DNMT3A: variants seen among roughly 807,000 people sequenced by gnomAD.
DNMT3A encodes DNA (cytosine-5)-methyltransferase 3A.
A neutral mutation model predicts 117.6 loss-of-function variants in DNMT3A; 267 were observed. That is an observed-to-expected ratio of 2.27 (90% confidence interval 2.05 to 2.51). The LOEUF (loss-of-function observed/expected upper bound fraction) is 2.51. DNMT3A is among the 30% of genes most tolerant of loss of function. The probability of loss-of-function intolerance (pLI) is 0.00; values close to 1 mark genes in which losing one functional copy is unlikely to be tolerated. For synonymous variants in DNMT3A, 432 were observed against 474.8 expected, an observed-to-expected ratio of 0.91 and a Z score of 1.17; for missense variants, 1,029 against 1,260.2, an observed-to-expected ratio of 0.82 and a Z score of 2.78.
Position 25,247,642 on chromosome 2 carries a change from T to C in DNMT3A, c.963A>G (p.Ala321=). 1.2e-6 allele frequency: 2 copies of C among 1,614,106 alleles called. No individual in the cohort carries two copies. The highest frequency in any genetic ancestry group is 2.2e-5 in the South Asian group (2 of 91,070). Residue 321 remains alanine, a synonymous_variant, in exon 8 of 23, where the codon GCA becomes GCG. Transcript: ENST00000321117. The surrounding 1 kb of genome is among the most constrained non-coding windows in gnomAD (Gnocchi z 5.6). ...ACATGACCCAGCGGGTGCCTTCAGC[T>C]GCTCGGCTCCGGCCCGTCATCCACC... is the stretch of plus-strand genomic sequence containing the variant. ...VSWWMTGRSR[A]AEGTRWVMWF...
intron 6 of DNMT3A, among the ~76,000 whole-genome samples, chr2:25,272,803 C>CTTTTTTTT (rs1217338234): frequency 7.7e-6 from 1 of 130,698 alleles, no homozygotes; most frequent in Non-Finnish European, 1.7e-5. Flanking sequence ...TGCACTTTCT[C>CTTTTTTTT]TTTTTTTTTT....
intron 15 of DNMT3A, 85 bp downstream of exon 15, chr2:25,244,070 C>G: frequency 6.3e-7 from 1 of 1,593,832 alleles, no homozygotes; most frequent in Non-Finnish European, 8.6e-7. Flanking sequence ...GGCTCCTAGA[C>G]CCACACACCC....
Position 25,240,286 on chromosome 2 carries a change from A to G in DNMT3A, c.2322+16T>C. The G allele has an allele frequency of 6.2e-7, 1 of 1,613,988 alleles. No homozygotes were observed. Among genetic ancestry groups the G allele is most frequent in the Non-Finnish European group, 8.5e-7 (1 of 1,179,950 alleles). ...AGCCATTAGTGAGCTGGCCAAACCA[A>G]GGTTGCTGGCTATACCTCGAGAAAT... On this transcript the variant is annotated intron_variant, in intron 19 of 22. Coordinates refer to ENST00000321117, the MANE Select transcript of DNMT3A (RefSeq NM_022552.5).
At chr2:25,335,183 C>T (rs1340612737) in intron 1 of DNMT3A, among the ~76,000 whole-genome samples, 1 of 152,142 alleles carries the variant, frequency 6.6e-6, no homozygotes. Context: ...TCTAACACAT[C>T]AGAACAGACT....
In DNMT3A at chr2:25,228,988, AAGTG is replaced by A. The variant is rs900767963; in HGVS notation, c.*5287_*5290del. 1.3e-5 allele frequency: 2 copies of A among 152,000 alleles called. No homozygotes were observed. The highest frequency in any genetic ancestry group is 6.6e-5 in the Admixed American group (1 of 15,260). 9.4% of individuals were successfully genotyped at this position (152,000 alleles called of 1,614,324 possible). A position where few individuals can be genotyped will look rare whatever the true frequency, so the allele number is the denominator to read the frequency against. On this transcript the variant is annotated 3_prime_UTR_variant, in exon 23 of 23. Coordinates refer to ENST00000321117, the MANE Select transcript of DNMT3A (RefSeq NM_022552.5). ...GGAGTCCCAGGCCCTCTGGTGGGGG[AAGTG>A]AGTAAGTCACCACCAGCAAAGGGAT...
intron 2 of DNMT3A, among the ~76,000 whole-genome samples, chr2:25,300,715 ATATATATATAT>A (rs2033424074): frequency 7.3e-3 from 33 of 4,538 alleles, no homozygotes; most frequent in East Asian, 0.027. Flanking sequence ...ATAATATAAT[ATATATATATAT>A]ATATATATAT....
chr2:25,282,583 C>G lies in DNMT3A; in HGVS notation c.306G>C (p.Glu102Asp). 1 of 1,613,662 alleles carries G rather than the reference C, an allele frequency of 6.2e-7. No homozygotes were observed. The highest frequency in any genetic ancestry group is 8.5e-7 in the Non-Finnish European group (1 of 1,180,010). The change falls in exon 4 of 23, where the codon GAG becomes GAC. Residue 102 changes from glutamate (E) to aspartate (D), a missense_variant. Transcript: ENST00000321117. The surrounding 1 kb of genome is among the most constrained non-coding windows in gnomAD (Gnocchi z 5.2). ...DLEKRSEPQPEEGSPAGGQKG... is the reference protein window; with the variant it reads ...DLEKRSEPQPDEGSPAGGQKG... Reference sequence around the variant, plus strand: ...TCTGCCCCCCAGCAGGGCTCCCCTCCTCTGGCTGGGGCTCACTCCGCTTCT... The same window carrying G: ...TCTGCCCCCCAGCAGGGCTCCCCTCGTCTGGCTGGGGCTCACTCCGCTTCT...
chr2:25,234,844 C>T lies in DNMT3A; in HGVS notation c.2598-424G>A, dbSNP rs1673174381. 6.6e-6 allele frequency among the ~76,000 whole-genome samples: 1 copy of T among 152,162 alleles called. No individual in the cohort carries two copies. The highest frequency in any genetic ancestry group is 1.5e-5 in the Non-Finnish European group (1 of 68,028). ...ACGAACACGTAGCCCTAGCATCCTC[C>T]CCATCAAGAGCAGGGAAGGCGAAAA... On this transcript the variant is annotated intron_variant, in intron 22 of 22. Coordinates refer to ENST00000321117, the MANE Select transcript of DNMT3A (RefSeq NM_022552.5). The surrounding 1 kb of genome is among the most constrained non-coding windows in gnomAD (Gnocchi z 4.5).
At chr2:25,289,927 G>C (rs1196443436) in intron 3 of DNMT3A, among the ~76,000 whole-genome samples, 1 of 152,208 alleles carries the variant, frequency 6.6e-6, no homozygotes, top group Non-Finnish European at 1.5e-5. Flanking sequence ...GCGTCCCAGG[G>C]TGGGGCAATG....
At chr2:25,271,356 C>A (rs886525055) in intron 6 of DNMT3A, among the ~76,000 whole-genome samples, 1 of 152,124 alleles carries the variant, frequency 6.6e-6, no homozygotes, top group African/African-American at 2.4e-5. Context: ...GTCTCAAAAA[C>A]AGACAAACAA....
Position 25,296,292 on chromosome 2 carries a change from G to C in DNMT3A, c.177+3847C>G, listed in dbSNP as rs540913716. On this transcript the variant is annotated intron_variant, in intron 3 of 22. Transcript: ENST00000321117. This position sits in a 1 kb window ranked among gnomAD's most constrained non-coding sequence, Gnocchi z 4.2. Reference sequence around the variant, plus strand: ...CTTCATTTTCAGGCTAGGTTCTACCGGGCTGTGGTGCTGGGGCAGGCGGAG... The same window carrying C: ...CTTCATTTTCAGGCTAGGTTCTACCCGGCTGTGGTGCTGGGGCAGGCGGAG... 6.6e-6 allele frequency among the ~76,000 whole-genome samples: 1 copy of C among 152,142 alleles called. No individual in the cohort carries two copies. Among genetic ancestry groups the C allele is most frequent in the South Asian group, 2.1e-4 (1 of 4,826 alleles).
chr2:25,331,707 T>TA (rs2035019788), intron 1 of DNMT3A, among the ~76,000 whole-genome samples: 1 of 152,162 alleles, frequency 6.6e-6, no homozygotes, highest in African/African-American at 2.4e-5. Flanking sequence ...TCGTACCAGT[T>TA]ACAGACTGAA....
rs779782698 is a variant in DNMT3A at position 25,244,195 on chromosome 2, CG to C, written c.1810del (p.Arg604GlyfsTer47). The C allele has an allele frequency of 1.2e-6, 2 of 1,613,798 alleles. No homozygotes were observed. The highest frequency in any genetic ancestry group is 1.7e-6 in the Non-Finnish European group (2 of 1,180,042). ...LLRRREDWPS[R>X]LQMFFANNHD... ...GTTATTAGCGAAGAACATCTGGAGC[CG>C]GGAGGGCCAGTCCTCTCGCCGCCGC... is the stretch of plus-strand genomic sequence containing the variant. On this transcript the variant is annotated frameshift_variant, in exon 15 of 23. Transcript: ENST00000321117. LOFTEE classifies it high-confidence loss of function.
chr2:25,331,699 G>A (rs556958462), intron 1 of DNMT3A, among the ~76,000 whole-genome samples: 1 of 152,296 alleles, frequency 6.6e-6, no homozygotes, highest in African/African-American at 2.4e-5. Context: ...TGCAGGGGTC[G>A]TACCAGTTAC....
In DNMT3A at chr2:25,328,313, C is replaced by T. The variant is rs562275756; in HGVS notation, c.-178+13513G>A. On this transcript the variant is annotated intron_variant, in intron 1 of 22. Transcript: ENST00000321117. Reference sequence around the variant, plus strand: ...GCTACAACGCAGCCTCCGCCCACTGCTCTGGCCGTGCCCCCACCTCTCCCA... The same window carrying T: ...GCTACAACGCAGCCTCCGCCCACTGTTCTGGCCGTGCCCCCACCTCTCCCA... Among the ~76,000 whole-genome samples the T allele has an allele frequency of 2.0e-5, 3 of 152,268 alleles. No individual in the cohort carries two copies. The East Asian group carries it at 5.8e-4, about 29-fold the overall frequency.
At chr2:25,261,363 C>T (rs1403679353) in intron 6 of DNMT3A, among the ~76,000 whole-genome samples, 3 of 142,804 alleles carry the variant, frequency 2.1e-5, no homozygotes, top group South Asian at 2.4e-4. Flanking sequence ...CACTTGAACC[C>T]GGGAGGCAGA....
Position 25,234,444 on chromosome 2 carries a change from G to GCAGGGTGAGTGCTGGCCAGAC in DNMT3A, c.2598-45_2598-25dup. 6.2e-7 allele frequency: 1 copy of GCAGGGTGAGTGCTGGCCAGAC among 1,606,792 alleles called. No individual in the cohort carries two copies. The highest frequency in any genetic ancestry group is 2.2e-5 in the East Asian group (1 of 44,590). On this transcript the variant is annotated intron_variant, in intron 22 of 22. Transcript: ENST00000321117. The surrounding 1 kb of genome is among the most constrained non-coding windows in gnomAD (Gnocchi z 4.5). ...CCCTGGGGGAGAAAAGGCAGAGAGG[G>GCAGGGTGAGTGCTGGCCAGAC]CAGGGTGAGTGCTGGCCAGACCAGG...
In DNMT3A at chr2:25,237,154, C is replaced by T. The variant is rs1012317905; in HGVS notation, c.2409-149G>A. On this transcript the variant is annotated intron_variant, in intron 20 of 22. Transcript: ENST00000321117. This position sits in a 1 kb window ranked among gnomAD's most constrained non-coding sequence, Gnocchi z 5.4. ...AATCACGCACACACGTCATAACTCT[C>T]TTCAAACTCCCCGCAAACACACGAA... is the stretch of plus-strand genomic sequence containing the variant. 31 of 674,384 alleles carry T rather than the reference C, an allele frequency of 4.6e-5. No homozygotes were observed. The highest frequency in any genetic ancestry group is 7.0e-5 in the Non-Finnish European group (28 of 401,518). The allele number at this position is 674,384 out of a possible 1,614,324, so 41.8% of individuals were successfully genotyped here. A position where few individuals can be genotyped will look rare whatever the true frequency, so the allele number is the denominator to read the frequency against.
chr2:25,333,163 C>T (rs1409462624), intron 1 of DNMT3A, among the ~76,000 whole-genome samples: 2 of 152,162 alleles, frequency 1.3e-5, no homozygotes, highest in African/African-American at 4.8e-5. Flanking sequence ...GGTCAGATAA[C>T]GGAAGCTAAG....
Sources: gnomAD v4.1 joint callset for allele counts (sites outside exome capture counted in the v4.1 genomes callset) on GRCh38, gnomAD v4.1.1 for gene constraint, Gnocchi (gnomAD v3.1) non-coding constraint, MANE v1.5 for transcripts, NCBI Gene and HGNC (gene_info 2026-07-23, HGNC 2026-07-21) for gene names.